Variants in FYCO1 observed in about 807,000 individuals in gnomAD.
FYCO1 encodes FYVE and coiled-coil domain-containing protein 1.
A neutral mutation model predicts 165.1 loss-of-function variants in FYCO1; 122 were observed. The observed-to-expected ratio is 0.74, with a 90% CI of 0.64 to 0.86. The LOEUF (loss-of-function observed/expected upper bound fraction) is 0.86. Ranked by LOEUF, FYCO1 falls within the 40% of genes least tolerant of loss-of-function variation. FYCO1 has a pLI of 0.00. For synonymous variants in FYCO1, 648 were observed against 742.5 expected, an observed-to-expected ratio of 0.87 and a Z score of 2.07; for missense variants, 1,702 against 1,810.3, an observed-to-expected ratio of 0.94 and a Z score of 1.09.
chr3:45,941,924 C>T (rs191870489), intron 14 of FYCO1, among the ~76,000 whole-genome samples: 8 of 152,330 alleles, frequency 5.3e-5, no homozygotes, highest in African/African-American at 1.9e-4. Context: ...GCCACCCTGC[C>T]TTGAAAGTTC....
intron 7 of FYCO1, among the ~76,000 whole-genome samples, chr3:45,969,047 A>G (rs1706273743): frequency 6.6e-6 from 1 of 152,238 alleles, no homozygotes; most frequent in Non-Finnish European, 1.5e-5. Flanking sequence ...CCATACCCGT[A>G]ACTGCAACTC....
rs567505416 is a variant in FYCO1, at chr3:45,964,433, C to T, written c.3172G>A (p.Glu1058Lys). ...KLKATQADMG[E>K]KLSCTSNHLA... is the part of the protein sequence containing the mutation. ...TGGTTGCTAGTGCAGCTCAGCTTCT[C>T]TCCCATGTCTGCTTGGGTGGCCTGG... Residue 1058 changes from glutamate (E) to lysine (K), a missense_variant, in exon 10 of 18, where the codon GAG becomes AAG. Physicochemically the swap from Glu to Lys is moderately conservative, Grantham distance 56. Coordinates refer to ENST00000296137, the MANE Select transcript of FYCO1 (RefSeq NM_024513.4). This position sits in a 1 kb window ranked among gnomAD's most constrained non-coding sequence, Gnocchi z 4.1. 6.2e-7 allele frequency: 1 copy of T among 1,614,100 alleles called. No homozygotes were observed. The highest frequency in any genetic ancestry group is 1.7e-5 in the Admixed American group (1 of 60,026).
At chr3:45,923,805 T>G (rs751937517) in intron 16 of FYCO1, 40 bp from the exon 17 acceptor site, 4 of 1,337,562 alleles carry the variant, frequency 3.0e-6, no homozygotes, top group Non-Finnish European at 4.3e-6. Context: ...TCACAGAGGC[T>G]GAGAGGGCCC....
chr3:45,943,882 T>C (rs1559447341), intron 14 of FYCO1, among the ~76,000 whole-genome samples: 2 of 152,212 alleles, frequency 1.3e-5, no homozygotes, highest in Non-Finnish European at 2.9e-5. Flanking sequence ...TTTCATTTCT[T>C]TTGCATAAGA....
At chr3:45,985,823 T>G (rs568195441) in intron 1 of FYCO1, among the ~76,000 whole-genome samples, 10 of 152,358 alleles carry the variant, frequency 6.6e-5, no homozygotes, top group African/African-American at 2.4e-4. Flanking sequence ...GTTAAAGAGA[T>G]GTGAGCACAT....
In FYCO1 at chr3:45,969,669, C is replaced by T. The variant is rs375784233; in HGVS notation, c.630+6G>A. ...GGAAGATAATTCCCAGCCTTCCTGG[C>T]CTTACCTGCAGGTAGCTGCTCACCA... On this transcript the variant is annotated splice_donor_region_variant and intron_variant, in intron 7 of 17. Transcript: ENST00000296137. 6.2e-7 allele frequency: 1 copy of T among 1,611,990 alleles called. No homozygotes were observed. Among genetic ancestry groups the T allele is most frequent in the Admixed American group, 1.7e-5 (1 of 60,016 alleles).
At chr3:45,946,269 C>T (rs1237272994) in intron 14 of FYCO1, 1 of 546,638 alleles carries the variant, frequency 1.8e-6, no homozygotes, top group Non-Finnish European at 3.3e-6. Context: ...AATGGAGAGT[C>T]CTCATCCTGT....
At chr3:45,973,377 G>A (rs913893385) in intron 5 of FYCO1, 146 bp from the exon 6 acceptor site, 30 of 765,292 alleles carry the variant, frequency 3.9e-5, no homozygotes, top group African/African-American at 3.8e-4. Context: ...CATTTTCATG[G>A]TAGAAGAACA....
intron 14 of FYCO1, chr3:45,946,684 T>C (rs766548183): frequency 1.9e-6 from 3 of 1,614,138 alleles, no homozygotes; most frequent in Non-Finnish European, 1.7e-6. Flanking sequence ...CTGACGGATG[T>C]GTTCCTGGTG....
At chr3:45,929,684 A>C (rs1703497142) in intron 16 of FYCO1, among the ~76,000 whole-genome samples, 1 of 152,252 alleles carries the variant, frequency 6.6e-6, no homozygotes, top group African/African-American at 2.4e-5. Flanking sequence ...GCTGGCTACA[A>C]GCCCCAAAAG....
In FYCO1 at chr3:45,967,003, C is replaced by A. The variant is rs1706077866; in HGVS notation, c.2331G>T (p.Gln777His). 1.2e-6 allele frequency: 2 copies of A among 1,613,016 alleles called. No homozygotes were observed. The highest frequency in any genetic ancestry group is 2.7e-5 in the African/African-American group (2 of 74,934). The change falls in exon 8 of 18, where the codon CAG becomes CAT. Residue 777 changes from glutamine (Q) to histidine (H), a missense_variant. Physicochemically the swap from Gln to His is conservative, Grantham distance 24 (BLOSUM62 0). Coordinates refer to ENST00000296137, the MANE Select transcript of FYCO1 (RefSeq NM_024513.4). ...LAAQLALSQA[Q>H]LEVHQGEVQR... ...GGACCTCCCCCTGATGGACTTCCAG[C>A]TGCGCCTGAGACAGGGCTAGCTGGG...
chr3:45,979,795 G>C lies in FYCO1; in HGVS notation c.198C>G (p.Asn66Lys). 1 of 1,614,022 alleles carries C rather than the reference G, an allele frequency of 6.2e-7. No homozygotes were observed. Among genetic ancestry groups the C allele is most frequent in the Non-Finnish European group, 8.5e-7 (1 of 1,179,954 alleles). ...DQKEKATLLGNKKDYWDYFCA... is the reference protein window; with the variant it reads ...DQKEKATLLGKKKDYWDYFCA... Reference sequence around the variant, plus strand: ...AGAAGTAATCCCAGTAGTCCTTCTTGTTGCCCAGGAGGGTGGCCTTCTCTT... The same window carrying C: ...AGAAGTAATCCCAGTAGTCCTTCTTCTTGCCCAGGAGGGTGGCCTTCTCTT... The change falls in exon 4 of 18, where the codon AAC becomes AAG. Residue 66 changes from asparagine to lysine, a missense_variant. Coordinates refer to ENST00000296137, the MANE Select transcript of FYCO1 (RefSeq NM_024513.4).
chr3:45,941,170 T>G (rs1704205074), intron 14 of FYCO1: 1 of 152,198 alleles, frequency 6.6e-6, no homozygotes, highest in Non-Finnish European at 1.5e-5. Flanking sequence ...AAGTGCCCAC[T>G]GCCACGCCTG....
chr3:45,927,924 T>C lies in FYCO1; in HGVS notation c.4251+3147A>G, dbSNP rs1191862055. Among the ~76,000 whole-genome samples, 4 of 152,396 alleles carry C rather than the reference T, an allele frequency of 2.6e-5. No homozygotes were observed. The East Asian group carries it at 7.7e-4, about 29-fold the overall frequency. The stretch of plus-strand genomic sequence containing the variant: ...AGGCAGGTCCCCTGAAGAGGGCATG[T>C]TTAACATAGATTAATGTGCGTTCTT... On this transcript the variant is annotated intron_variant, in intron 16 of 17. Transcript: ENST00000296137.
At chr3:45,938,337 T>C (rs924789243) in intron 14 of FYCO1, 15 of 778,452 alleles carry the variant, frequency 1.9e-5, no homozygotes, top group Non-Finnish European at 2.9e-5. Context: ...TTCTTTTCAA[T>C]AGGTTTTCAA....
chr3:45,965,196 C>A, intron 8 of FYCO1, 71 bp from the exon 9 acceptor site: 4 of 1,200,852 alleles, frequency 3.3e-6, no homozygotes, highest in Non-Finnish European at 4.9e-6. Flanking sequence ...AGCCCCCTCA[C>A]CCAAACAGAT....
intron 14 of FYCO1, among the ~76,000 whole-genome samples, chr3:45,937,003 C>T (rs539818606): frequency 2.6e-4 from 39 of 152,140 alleles, no homozygotes; most frequent in Non-Finnish European, 4.4e-4. Context: ...TTCTGAATTA[C>T]GGATCCTTAG....
At chr3:45,991,041 G>A (rs1425841829) in intron 1 of FYCO1, among the ~76,000 whole-genome samples, 1 of 152,156 alleles carries the variant, frequency 6.6e-6, no homozygotes, top group Non-Finnish European at 1.5e-5. Context: ...GCCTCCCAAA[G>A]TGCTGGGATT....
chr3:45,967,138 A>C lies in FYCO1; in HGVS notation c.2196T>G (p.Ala732=). ...TCTGCTGCTGGCACTGGCTCTCGAG[A>C]GCCCTAAGCTCTCTGTGCCGGGCTT... ...LAEARHRELR[A]LESQCQQQTQ... The change falls in exon 8 of 18, where the codon GCT becomes GCG. Residue 732 remains alanine (A), a synonymous_variant. Coordinates refer to ENST00000296137, the MANE Select transcript of FYCO1 (RefSeq NM_024513.4). 6.2e-7 allele frequency: 1 copy of C among 1,613,140 alleles called. No individual in the cohort carries two copies. The highest frequency in any genetic ancestry group is 8.5e-7 in the Non-Finnish European group (1 of 1,179,412).
Sources: allele counts gnomAD v4.1 joint callset (sites outside exome capture counted in the v4.1 genomes callset), GRCh38; gene constraint gnomAD v4.1.1; non-coding constraint Gnocchi (gnomAD v3.1); transcripts MANE v1.5; gene names NCBI Gene and HGNC (gene_info 2026-07-23, HGNC 2026-07-21).